Variants in DOCK4 observed in about 807,000 individuals in gnomAD.
The protein encoded by DOCK4 is dedicator of cytokinesis 4, also known as dedicator of cytokinesis protein 4.
Under a neutral mutation model 268.1 loss-of-function variants are expected in DOCK4, and 97 were observed. The observed-to-expected ratio is 0.36, with a 90% CI of 0.31 to 0.43. The LOEUF is 0.43. Ranked by LOEUF, DOCK4 falls within the 20% of genes least tolerant of loss-of-function variation. The pLI is 1.00. For missense variants in DOCK4, 2,145 were observed against 2,455.7 expected, an observed-to-expected ratio of 0.87 and a Z score of 2.67; for synonymous variants, 954 against 887.2, an observed-to-expected ratio of 1.08 and a Z score of -1.34.
intron 26 of DOCK4, among the ~76,000 whole-genome samples, chr7:111,824,677 C>T (rs1365410265): frequency 6.6e-6 from 1 of 152,052 alleles, no homozygotes; most frequent in Non-Finnish European, 1.5e-5. Context: ...TCTATCTTAC[C>T]AGCTAGCAAC....
chr7:111,983,862 G>GCGCGCGCGCGCGCACA, intron 7 of DOCK4, among the ~76,000 whole-genome samples: 2 of 138,562 alleles, frequency 1.4e-5, no homozygotes, highest in African/African-American at 5.6e-5. Context: ...GCGCGCGCGC[G>GCGCGCGCGCGCGCACA]CACACACACA....
intron 1 of DOCK4, among the ~76,000 whole-genome samples, chr7:112,038,023 T>C (rs1192599086): frequency 6.6e-6 from 1 of 152,206 alleles, no homozygotes; most frequent in Non-Finnish European, 1.5e-5. Context: ...TTTCATTTTA[T>C]TAAATGTAAA....
At chr7:111,867,732 C>T (rs990403173) in intron 22 of DOCK4, among the ~76,000 whole-genome samples, 5 of 152,176 alleles carry the variant, frequency 3.3e-5, no homozygotes, top group African/African-American at 9.6e-5. Flanking sequence ...TTCTGGTAAC[C>T]GGAAATGAAG....
At chr7:111,866,256 A>C (rs538320683) in intron 22 of DOCK4, among the ~76,000 whole-genome samples, 1 of 152,370 alleles carries the variant, frequency 6.6e-6, no homozygotes, top group South Asian at 2.1e-4. Context: ...TGTCTTCCCC[A>C]AATACACAGA....
chr7:111,858,907 T>C (rs1805250352), intron 23 of DOCK4, among the ~76,000 whole-genome samples: 1 of 152,090 alleles, frequency 6.6e-6, no homozygotes, highest in South Asian at 2.1e-4. Context: ...TACAGGATTC[T>C]AATAAAATGT....
At chr7:111,908,659 C>T (rs138680170) in intron 13 of DOCK4, among the ~76,000 whole-genome samples, 4,556 of 152,034 alleles carry the variant, frequency 0.03, 189 homozygotes, top group East Asian at 0.21. Context: ...TTTTAAGCCC[C>T]GCATGCATTA....
At chr7:112,156,793 T>C (rs534933499) in intron 1 of DOCK4, among the ~76,000 whole-genome samples, 1 of 152,260 alleles carries the variant, frequency 6.6e-6, no homozygotes, top group South Asian at 2.1e-4. Flanking sequence ...TTCAAGGTAG[T>C]TTTATTTACA....
At chr7:111,848,590 C>A (rs1001538864) in intron 23 of DOCK4, among the ~76,000 whole-genome samples, 1 of 152,102 alleles carries the variant, frequency 6.6e-6, no homozygotes, top group Admixed American at 6.5e-5. Context: ...GGTCTGGAAG[C>A]AGGAAATCTA....
At chr7:112,057,560 A>T (rs906234909) in intron 1 of DOCK4, among the ~76,000 whole-genome samples, 3 of 151,478 alleles carry the variant, frequency 2.0e-5, no homozygotes, top group Non-Finnish European at 4.4e-5. Flanking sequence ...CAAAAAATAA[A>T]AAAAAAAAAA....
At chr7:112,056,973 C>T (rs1476989772) in intron 1 of DOCK4, among the ~76,000 whole-genome samples, 1 of 151,972 alleles carries the variant, frequency 6.6e-6, no homozygotes, top group Non-Finnish European at 1.5e-5. Flanking sequence ...TCAAAATAAG[C>T]TACTTAGGTG....
intron 1 of DOCK4, among the ~76,000 whole-genome samples, chr7:112,117,863 A>G (rs1232743012): frequency 1.3e-5 from 2 of 152,200 alleles, no homozygotes; most frequent in Non-Finnish European, 1.5e-5. Flanking sequence ...ACCAAGCTTC[A>G]TGACATGCCT....
At chr7:112,126,435 A>T (rs1221924432) in intron 1 of DOCK4, among the ~76,000 whole-genome samples, 4 of 152,182 alleles carry the variant, frequency 2.6e-5, no homozygotes, top group Non-Finnish European at 5.9e-5. Flanking sequence ...CTCATATTAG[A>T]TCAGCTCCCC....
At chr7:112,031,238 G>T (rs1349676145) in intron 1 of DOCK4, among the ~76,000 whole-genome samples, 2 of 152,204 alleles carry the variant, frequency 1.3e-5, no homozygotes, top group Non-Finnish European at 2.9e-5. Flanking sequence ...CTTCAGCCCA[G>T]TGCATTGCCT....
intron 23 of DOCK4, among the ~76,000 whole-genome samples, chr7:111,854,677 C>T (rs1804857855): frequency 6.6e-6 from 1 of 152,186 alleles, no homozygotes. Flanking sequence ...CGACCGCACC[C>T]AGCTATTCAG....
chr7:111,949,657 A>G (rs1195408740), intron 8 of DOCK4, among the ~76,000 whole-genome samples: 1 of 152,200 alleles, frequency 6.6e-6, no homozygotes, highest in Non-Finnish European at 1.5e-5. Flanking sequence ...AAAAAAAGGA[A>G]AACATCTATG....
At chr7:111,951,292 T>C (rs1796026959) in intron 8 of DOCK4, among the ~76,000 whole-genome samples, 1 of 152,196 alleles carries the variant, frequency 6.6e-6, no homozygotes, top group African/African-American at 2.4e-5. Flanking sequence ...ACATAGCTCT[T>C]CTCATTTAAT....
chr7:111,902,835 T>G (rs1791253643), intron 13 of DOCK4, among the ~76,000 whole-genome samples: 1 of 152,036 alleles, frequency 6.6e-6, no homozygotes, highest in African/African-American at 2.4e-5. Context: ...AGAGGTGGGA[T>G]CTTGGCTCAC....
chr7:111,742,500 C>A (rs1382614143), intron 44 of DOCK4, among the ~76,000 whole-genome samples: 1 of 152,144 alleles, frequency 6.6e-6, no homozygotes, highest in African/African-American at 2.4e-5. Flanking sequence ...GTGCTGCTCA[C>A]TGTTAAGAGG....
At chr7:112,045,804 A>G (rs1299806430) in intron 1 of DOCK4, among the ~76,000 whole-genome samples, 2 of 152,216 alleles carry the variant, frequency 1.3e-5, no homozygotes, top group Non-Finnish European at 2.9e-5. Flanking sequence ...ACAGTTGACT[A>G]ACAGTCATCA....
Sources: gnomAD v4.1 joint callset for allele counts (sites outside exome capture counted in the v4.1 genomes callset) on GRCh38, gnomAD v4.1.1 for gene constraint, MANE v1.5 for transcripts, NCBI Gene and HGNC (gene_info 2026-07-23, HGNC 2026-07-21) for gene names.